The following RGS7 variants were observed in gnomAD, a reference collection of about 807,000 sequenced individuals.
RGS7 encodes regulator of G protein signaling 7.
In RGS7, 27 loss-of-function variants were observed where a neutral mutation model predicts 81.1. The ratio of observed to expected loss-of-function variants is 0.33; its 90% confidence interval spans 0.25 to 0.46. The LOEUF (loss-of-function observed/expected upper bound fraction) is 0.46, where lower values mean the gene tolerates loss of function less well. Ranked by LOEUF, RGS7 falls within the 20% of genes least tolerant of loss-of-function variation. RGS7 has a pLI of 1.00. For missense variants in RGS7, 396 were observed against 607.4 expected, an observed-to-expected ratio of 0.65 and a Z score of 3.66; for synonymous variants, 208 against 207.7, an observed-to-expected ratio of 1.00 and a Z score of -0.01.
chr1:240,891,221 T>C (rs76979619), intron 6 of RGS7, among the ~76,000 whole-genome samples: 4 of 151,896 alleles, frequency 2.6e-5, no homozygotes, highest in African/African-American at 9.7e-5. Context: ...GTTATGAAAA[T>C]TGAAGGAAAT....
At chr1:241,284,444 G>A (rs1365265533) in intron 2 of RGS7, among the ~76,000 whole-genome samples, 1 of 152,090 alleles carries the variant, frequency 6.6e-6, no homozygotes, top group Non-Finnish European at 1.5e-5. Flanking sequence ...AATGATACCA[G>A]AGTGGTGATG....
At chr1:240,901,021 T>C (rs144235250) in intron 6 of RGS7, among the ~76,000 whole-genome samples, 18,654 of 151,176 alleles carry the variant, frequency 0.12, 1,359 homozygotes, top group Middle Eastern at 0.18. Context: ...GCCTCGCTGC[T>C]GCCTTGCAGT....
chr1:240,982,299 A>G (rs767481109), intron 4 of RGS7, among the ~76,000 whole-genome samples: 2 of 151,798 alleles, frequency 1.3e-5, no homozygotes, highest in African/African-American at 2.4e-5. Context: ...GCACGCGCCC[A>G]TAATCCCAGC....
chr1:241,263,038 G>A (rs61833817), intron 2 of RGS7, among the ~76,000 whole-genome samples: 1 of 151,964 alleles, frequency 6.6e-6, no homozygotes, highest in Non-Finnish European at 1.5e-5. Context: ...GGCTGAGGTT[G>A]CAGTGAGCCG....
chr1:241,205,695 A>C (rs2073834210), intron 2 of RGS7, among the ~76,000 whole-genome samples: 1 of 151,458 alleles, frequency 6.6e-6, no homozygotes, highest in Non-Finnish European at 1.5e-5. Context: ...TCTAGACCTC[A>C]GGTGATCCAC....
At chr1:240,933,738 T>C (rs1450636822) in intron 5 of RGS7, among the ~76,000 whole-genome samples, 1 of 152,018 alleles carries the variant, frequency 6.6e-6, no homozygotes. Context: ...TTGGAGCATA[T>C]ACTAATGTAT....
At chr1:240,993,717 G>A (rs1271988148) in intron 3 of RGS7, among the ~76,000 whole-genome samples, 1 of 151,738 alleles carries the variant, frequency 6.6e-6, no homozygotes, top group Non-Finnish European at 1.5e-5. Flanking sequence ...TTTGGATGAG[G>A]TCCAATTTAT....
At chr1:241,337,040 T>A (rs2082281414) in intron 2 of RGS7, among the ~76,000 whole-genome samples, 1 of 152,160 alleles carries the variant, frequency 6.6e-6, no homozygotes, top group Non-Finnish European at 1.5e-5. Flanking sequence ...AGATTTCAAA[T>A]CTTGACACCA....
chr1:240,867,410 A>G (rs1663512177), intron 9 of RGS7, among the ~76,000 whole-genome samples: 2 of 152,188 alleles, frequency 1.3e-5, no homozygotes, highest in South Asian at 4.1e-4. Context: ...CTGTATTTAA[A>G]TAAATCTACA....
chr1:241,050,671 G>GCCT (rs1006618744), intron 3 of RGS7, among the ~76,000 whole-genome samples: 1 of 151,996 alleles, frequency 6.6e-6, no homozygotes, highest in South Asian at 2.1e-4. Context: ...CAACACCAAC[G>GCCT]CCTCCTCCTC....
At chr1:241,190,069 C>G (rs1030943812) in intron 2 of RGS7, among the ~76,000 whole-genome samples, 33 of 152,060 alleles carry the variant, frequency 2.2e-4, no homozygotes, top group Non-Finnish European at 3.4e-4. Flanking sequence ...CGCCACTGCA[C>G]TCCAGCCTGG....
intron 5 of RGS7, among the ~76,000 whole-genome samples, chr1:240,933,049 A>AT (rs61002891): frequency 1.3e-5 from 2 of 148,190 alleles, no homozygotes; most frequent in East Asian, 4.0e-4. Flanking sequence ...CGCCCGGCTA[A>AT]TTTTTTGTAT....
chr1:240,797,972 A>G (rs1687348154), intron 18 of RGS7, among the ~76,000 whole-genome samples: 1 of 152,228 alleles, frequency 6.6e-6, no homozygotes, highest in African/African-American at 2.4e-5. Context: ...TAATGAAAAG[A>G]ATAAGAATAA....
chr1:241,220,994 G>GAAGGAAGGAAGA (rs1553289421), intron 2 of RGS7, among the ~76,000 whole-genome samples: 65 of 93,578 alleles, frequency 6.9e-4, no homozygotes, highest in Non-Finnish European at 1.2e-3. Context: ...AGGAAGGAAG[G>GAAGGAAGGAAGA]AAGAGAGAGA....
At position 241,222,265 on chromosome 1, in the gene RGS7, G is replaced by C. The variant is rs564143275; in HGVS notation, c.79-123503C>G. Among the ~76,000 whole-genome samples the C allele has an allele frequency of 1.8e-3, 270 of 152,312 alleles. 2 individuals carry two copies. Among genetic ancestry groups the C allele is most frequent in the Non-Finnish European group, 1.1e-3 (76 of 68,022 alleles). On this transcript the variant is annotated intron_variant, in intron 2 of 18. Transcript: ENST00000440928. ...CCTTTATCGCTGACATTCTAAAGCA[G>C]TGGTTCTCAAACTCAGCTGTGCATA...
At chr1:240,812,593 C>G (rs1690063433) in intron 13 of RGS7, among the ~76,000 whole-genome samples, 1 of 152,026 alleles carries the variant, frequency 6.6e-6, no homozygotes, top group African/African-American at 2.4e-5. Context: ...TGCCACTATG[C>G]CCGGCTACTT....
chr1:240,897,099 A>G (rs1669217968), intron 6 of RGS7, among the ~76,000 whole-genome samples: 1 of 152,176 alleles, frequency 6.6e-6, no homozygotes, highest in South Asian at 2.1e-4. Context: ...ATTGGTGTAC[A>G]GGAATGCTTG....
At chr1:240,861,251 G>T (rs548064312) in intron 9 of RGS7, among the ~76,000 whole-genome samples, 16 of 152,090 alleles carry the variant, frequency 1.1e-4, no homozygotes, top group Non-Finnish European at 2.2e-4. Flanking sequence ...AATGATTATT[G>T]TTTCTATATT....
In RGS7 at chr1:240,808,454, CACCTATATT is replaced by C. The variant is rs535888988; in HGVS notation, c.1083-2137_1083-2129del. Among the ~76,000 whole-genome samples, 15 of 152,328 alleles carry C rather than the reference CACCTATATT, an allele frequency of 9.8e-5. No individual in the cohort carries two copies. The East Asian group carries it at 2.5e-3, about 25-fold the overall frequency. ...AGTGCAGGCACTGCTCTAAGTGATT[CACCTATATT>C]AACTCATTTAATTCCCACAGTAATT... is the stretch of plus-strand genomic sequence containing the variant. On this transcript the variant is annotated intron_variant, in intron 14 of 18. Coordinates refer to ENST00000440928, the MANE Select transcript of RGS7 (RefSeq NM_001364886.1).
Sources: allele counts gnomAD v4.1 joint callset (sites outside exome capture counted in the v4.1 genomes callset), GRCh38; gene constraint gnomAD v4.1.1; transcripts MANE v1.5; gene names NCBI Gene and HGNC (gene_info 2026-07-23, HGNC 2026-07-21).